EOGT: variants seen among roughly 807,000 people sequenced by gnomAD.
The protein encoded by EOGT is EGF domain specific O-linked N-acetylglucosamine transferase, also known as EGF domain-specific O-linked N-acetylglucosamine transferase.
In EOGT, 55 loss-of-function variants were observed where a neutral mutation model predicts 70.5. The ratio of observed to expected loss-of-function variants is 0.78; its 90% CI spans 0.63 to 0.98. The LOEUF (loss-of-function observed/expected upper bound fraction) is 0.98. Among genes scored for constraint, EOGT ranks in the 50% least tolerant of loss-of-function variants. The probability of loss-of-function intolerance (pLI) is 0.00; values close to 1 mark genes in which losing one functional copy is unlikely to be tolerated. For synonymous variants in EOGT, 246 were observed against 217.1 expected, an observed-to-expected ratio of 1.13 and a Z score of -1.17; for missense variants, 703 against 641.9, an observed-to-expected ratio of 1.10 and a Z score of -1.03.
rs1575771966 is a variant in EOGT at position 69,004,417 on chromosome 3, A to C, written c.581T>G (p.Leu194Trp). ...GCTTTTGCGCTGACCTTCAGACGTC[A>C]ATGTACGGATGTCAAGTTTACAGTG... ...GGHCKLDIRT[L>W]TSEGQRKSPL... Residue 194 changes from leucine to tryptophan, a missense_variant, in exon 8 of 18, where the codon TTG (leucine) becomes TGG (tryptophan). Transcript: ENST00000383701. 22 of 1,614,066 alleles carry C rather than the reference A, an allele frequency of 1.4e-5. No homozygotes were observed. The highest frequency in any genetic ancestry group is 1.6e-4 in the Middle Eastern group (1 of 6,084).
chr3:69,004,686 C>T (rs755553521), intron 7 of EOGT, among the ~76,000 whole-genome samples: 2 of 152,046 alleles, frequency 1.3e-5, no homozygotes, highest in Non-Finnish European at 2.9e-5. Context: ...CTTTGCAATG[C>T]GATTAACTCA....
chr3:69,001,760 C>A, intron 8 of EOGT, 46 bp from the exon 9 acceptor site: 1 of 1,319,496 alleles, frequency 7.6e-7, no homozygotes, highest in South Asian at 1.2e-5. Flanking sequence ...TTCTCCCAAA[C>A]TTCCTATTAG....
intron 3 of EOGT, among the ~76,000 whole-genome samples, chr3:69,011,641 T>G (rs1004007850): frequency 6.7e-6 from 1 of 150,096 alleles, no homozygotes; most frequent in African/African-American, 2.4e-5. Context: ...GGAAATTGAC[T>G]GCTATGTTCC....
At position 69,007,523 on chromosome 3, in the gene EOGT, G is replaced by A. The variant is rs569762747; in HGVS notation, c.420+190C>T. On this transcript the variant is annotated intron_variant, in intron 6 of 17. Transcript: ENST00000383701. ...AAAAATTAGCGGGGGGGGGTGGCAC[G>A]CGCCTGTAATCCAAGCTACTCAGGA... is the stretch of plus-strand genomic sequence containing the variant. 2.4e-4 allele frequency among the ~76,000 whole-genome samples: 35 copies of A among 143,136 alleles called. 2 individuals carry two copies. Among genetic ancestry groups the A allele is most frequent in the African/African-American group, 7.8e-4 (30 of 38,472 alleles). 93.9% of individuals were successfully genotyped at this position (143,136 alleles called of 152,430 possible). A position where few individuals can be genotyped will look rare whatever the true frequency, so the allele number is the denominator to read the frequency against.
At chr3:68,996,808 ATGT>A (rs2091161199) in intron 10 of EOGT, among the ~76,000 whole-genome samples, 1 of 152,220 alleles carries the variant, frequency 6.6e-6, no homozygotes, top group African/African-American at 2.4e-5. Flanking sequence ...GTGAGTCAGA[ATGT>A]TGAGTGGAAC....
chr3:68,990,918 G>C (rs1377531377), intron 10 of EOGT, among the ~76,000 whole-genome samples: 2 of 126,512 alleles, frequency 1.6e-5, no homozygotes, highest in African/African-American at 3.0e-5. Flanking sequence ...AAAAAAAAAA[G>C]CCTTCTTTCC....
chr3:68,993,486 A>T (rs1241907044), intron 10 of EOGT, among the ~76,000 whole-genome samples: 1 of 152,164 alleles, frequency 6.6e-6, no homozygotes, highest in East Asian at 1.9e-4. Flanking sequence ...TTTATTGTCC[A>T]TATCACTATC....
intron 3 of EOGT, 70 bp from the exon 4 acceptor site, chr3:69,009,930 CA>C: frequency 4.3e-6 from 2 of 466,058 alleles, no homozygotes; most frequent in Non-Finnish European, 7.0e-6. Context: ...ACAACAACAA[CA>C]ACAAAAAAAA....
Position 69,005,253 on chromosome 3 carries a change from A to C in EOGT, c.421-19T>G. On this transcript the variant is annotated intron_variant, in intron 6 of 17. Coordinates refer to ENST00000383701, the MANE Select transcript of EOGT (RefSeq NM_001278689.2). ...AGTCACTCTGAAGGTTGAGCAAAAG[A>C]AAAGAATGACTCTGAGTATTAACAC... is the stretch of plus-strand genomic sequence containing the variant. 1 of 1,428,544 alleles carries C rather than the reference A, an allele frequency of 7.0e-7. No homozygotes were observed. Among genetic ancestry groups the C allele is most frequent in the Non-Finnish European group, 9.8e-7 (1 of 1,018,746 alleles). 88.5% of individuals were successfully genotyped at this position (1,428,544 alleles called of 1,614,324 possible). A position where few individuals can be genotyped will look rare whatever the true frequency, so the allele number is the denominator to read the frequency against.
Position 68,977,647 on chromosome 3 carries a change from G to C in EOGT, c.1555C>G (p.Pro519Ala). Residue 519 changes from proline to alanine, a missense_variant, in exon 18 of 18, where the codon CCA becomes GCA. By Grantham distance (27) the Pro-to-Ala change is conservative (BLOSUM62 -1). Transcript: ENST00000383701. ...AGCTCATCATGTTTCTTCTTAAATG[G>C]CCACTTTGGGTGTTGCAATACGTGG... ...ADHVLQHPKWPFKKKHDEL is the reference protein window; with the variant it reads ...ADHVLQHPKWAFKKKHDEL The C allele has an allele frequency of 1.2e-6, 2 of 1,613,546 alleles. No homozygotes were observed. The highest frequency in any genetic ancestry group is 1.7e-6 in the Non-Finnish European group (2 of 1,179,824).
intron 4 of EOGT, among the ~76,000 whole-genome samples, chr3:69,009,396 A>C (rs1575784551): frequency 6.6e-6 from 1 of 152,220 alleles, no homozygotes; most frequent in Admixed American, 6.5e-5. Context: ...CAGAGTTTAC[A>C]AATAGTATTG....
At chr3:68,993,635 G>A (rs1206728854) in intron 10 of EOGT, among the ~76,000 whole-genome samples, 1 of 151,992 alleles carries the variant, frequency 6.6e-6, no homozygotes, top group Non-Finnish European at 1.5e-5. Flanking sequence ...ACACTTTCAG[G>A]TATCTTTTCA....
chr3:68,993,131 T>C (rs753351300), intron 10 of EOGT, among the ~76,000 whole-genome samples: 1 of 152,200 alleles, frequency 6.6e-6, no homozygotes, highest in African/African-American at 2.4e-5. Context: ...TTAGGCTCCT[T>C]GCTATTTATG....
rs1393965818 is a variant in EOGT, at chr3:68,977,334, A to G, written c.*284T>C. 5 of 259,014 alleles carry G rather than the reference A, an allele frequency of 1.9e-5. No individual in the cohort carries two copies. The highest frequency in any genetic ancestry group is 1.2e-3 in the Middle Eastern group (1 of 830). The allele number at this position is 259,014 out of a possible 1,614,324, so 16.0% of individuals were successfully genotyped here. On this transcript the variant is annotated 3_prime_UTR_variant, in exon 18 of 18. Transcript: ENST00000383701. ...GTGAGACTCTGTCTCCAAAAAAAAA[A>G]AAAGAAAGAAAGAAAGTTAAAGTAT...
At chr3:69,006,562 C>T (rs1490340952) in intron 6 of EOGT, among the ~76,000 whole-genome samples, 3 of 152,132 alleles carry the variant, frequency 2.0e-5, no homozygotes, top group East Asian at 1.9e-4. Flanking sequence ...AGCCCTTGGC[C>T]GGGAACCAGG....
In EOGT at chr3:68,979,310, G is replaced by A. The variant is rs533315362; in HGVS notation, c.1334+358C>T. Among the ~76,000 whole-genome samples the A allele has an allele frequency of 1.6e-4, 24 of 152,310 alleles. No homozygotes were observed. In the Middle Eastern group the frequency reaches 0.01, roughly 65 times the overall value. On this transcript the variant is annotated intron_variant, in intron 16 of 17. Transcript: ENST00000383701. ...TTGGCTTGTGTTTTGAAGCTATGTC[G>A]TGCATGAGACATAAATGCTTTCTTT...
intron 8 of EOGT, among the ~76,000 whole-genome samples, chr3:69,002,672 T>G (rs2091329056): frequency 2.0e-5 from 3 of 151,708 alleles, no homozygotes; most frequent in African/African-American, 7.3e-5. Flanking sequence ...TTTTTTTTTT[T>G]GAGACAGGGT....
rs1394796158 is a variant in EOGT, at chr3:69,004,377, C to A, written c.620+1G>T. On this transcript the variant is annotated splice_donor_variant, in intron 8 of 17. Coordinates refer to ENST00000383701, the MANE Select transcript of EOGT (RefSeq NM_001278689.2). LOFTEE classifies it high-confidence loss of function. The stretch of plus-strand genomic sequence containing the variant: ...AAACAGATACGTTAAAAATATCTTA[C>A]CATGACTGCAGAGGGCTTTTGCGCT... 1.2e-5 allele frequency: 19 copies of A among 1,609,108 alleles called. No homozygotes were observed. Among genetic ancestry groups the A allele is most frequent in the Non-Finnish European group, 1.6e-5 (19 of 1,176,240 alleles).
Position 69,001,673 on chromosome 3 carries a change from G to C in EOGT, c.662C>G (p.Pro221Arg). The change falls in exon 9 of 18, where the codon CCT becomes CGT. Residue 221 changes from proline to arginine, a missense_variant. Physicochemically the swap from Pro to Arg is moderately radical, Grantham distance 103. Coordinates refer to ENST00000383701, the MANE Select transcript of EOGT (RefSeq NM_001278689.2). ...LQSYTQLNFR[P>R]IEDAKCDIVI... is the part of the protein sequence containing the mutation. Reference sequence around the variant, plus strand: ...AATGTCACATTTAGCATCTTCTATAGGTCTGAAGTTGAGCTGAGTATAGCT... The same window carrying C: ...AATGTCACATTTAGCATCTTCTATACGTCTGAAGTTGAGCTGAGTATAGCT... 3.1e-6 allele frequency: 5 copies of C among 1,611,636 alleles called. No individual in the cohort carries two copies. Among genetic ancestry groups the C allele is most frequent in the East Asian group, 2.2e-5 (1 of 44,734 alleles).
Sources: gnomAD v4.1 joint callset for allele counts (sites outside exome capture counted in the v4.1 genomes callset) on GRCh38, gnomAD v4.1.1 for gene constraint, MANE v1.5 for transcripts, NCBI Gene and HGNC (gene_info 2026-07-23, HGNC 2026-07-21) for gene names.